The following SLC30A3 variants were observed in gnomAD, a reference collection of about 807,000 sequenced individuals.
The protein encoded by SLC30A3 is probable proton-coupled zinc antiporter SLC30A3.
SLC30A3 carries 20 observed loss-of-function variants against 35.6 expected under a neutral mutation model. The ratio of observed to expected loss-of-function variants is 0.56; its 90% CI spans 0.39 to 0.82. The LOEUF is 0.82. SLC30A3 is among the 40% of genes least tolerant of loss of function. The pLI is 0.00. For synonymous variants in SLC30A3, 217 were observed against 224.7 expected, an observed-to-expected ratio of 0.97 and a Z score of 0.31; for missense variants, 401 against 530.6, an observed-to-expected ratio of 0.76 and a Z score of 2.40.
chr2:27,264,334 C>G (rs190820868), upstream of SLC30A3, among the ~76,000 whole-genome samples: 1 of 152,260 alleles, frequency 6.6e-6, no homozygotes, highest in Non-Finnish European at 1.5e-5. This position sits in a 1 kb window ranked among gnomAD's most constrained non-coding sequence, Gnocchi z 6.1. Context: ...CAAGAGTGCA[C>G]TTGCAAAAAA....
At position 27,255,298 on chromosome 2, in the gene SLC30A3, G is replaced by A. The variant is rs779701176; in HGVS notation, c.*14C>T. 5.0e-6 allele frequency: 8 copies of A among 1,613,580 alleles called. No homozygotes were observed. In the African/African-American group the frequency reaches 9.3e-5, roughly 19 times the overall value. On this transcript the variant is annotated 3_prime_UTR_variant, in exon 8 of 8. Transcript: ENST00000233535. This position sits in a 1 kb window ranked among gnomAD's most constrained non-coding sequence, Gnocchi z 5.2. ...AGCCTCGGCCTGGCAGTGGGGTGAG[G>A]GCAGGGCCATGGCTCAGGCTTGGGG...
At chr2:27,265,781 C>T (rs1203623603), upstream of SLC30A3, among the ~76,000 whole-genome samples, 1 of 152,146 alleles carries the variant, frequency 6.6e-6, no homozygotes, top group Non-Finnish European at 1.5e-5. This position sits in a 1 kb window ranked among gnomAD's most constrained non-coding sequence, Gnocchi z 5.9. Context: ...CTCCCTGCTA[C>T]AGGGCAAGCT....
rs1259144534 is a variant in SLC30A3, at chr2:27,254,830, C to G, written c.*482G>C. On this transcript the variant is annotated 3_prime_UTR_variant, in exon 8 of 8. Transcript: ENST00000233535. ...AAACCACAGGGCTAAGACACACGGA[C>G]AAAGTGCGGGCTTTGGGGCCCCTGC... 3.4e-6 allele frequency: 1 copy of G among 295,360 alleles called. No individual in the cohort carries two copies. Among genetic ancestry groups the G allele is most frequent in the Non-Finnish European group, 6.6e-6 (1 of 152,032 alleles). The allele number at this position is 295,360 out of a possible 1,614,324, so 18.3% of individuals were successfully genotyped here.
chr2:27,259,270 A>G (rs1480674105), intron 1 of SLC30A3, among the ~76,000 whole-genome samples: 1 of 152,120 alleles, frequency 6.6e-6, no homozygotes, highest in Non-Finnish European at 1.5e-5. Flanking sequence ...CAAGGCAGGC[A>G]GATCACAAGG....
At position 27,262,909 on chromosome 2, in the gene SLC30A3, T is replaced by TCCCG; in HGVS notation, c.-7_-4dup. 1 of 1,555,946 alleles carries TCCCG rather than the reference T, an allele frequency of 6.4e-7. No individual in the cohort carries two copies. The highest frequency in any genetic ancestry group is 8.6e-7 in the Non-Finnish European group (1 of 1,158,314). The stretch of plus-strand genomic sequence containing the variant: ...CCAGCGGCTGGAGAGGGCTCCATGT[T>TCCCG]CCCGGTGCCCCGACCGTCTAGGCCC... On this transcript the variant is annotated 5_prime_UTR_variant, in exon 1 of 8. Coordinates refer to ENST00000233535, the MANE Select transcript of SLC30A3 (RefSeq NM_003459.5). The surrounding 1 kb of genome is among the most constrained non-coding windows in gnomAD (Gnocchi z 7.5).
Position 27,262,745 on chromosome 2 carries a change from C to T in SLC30A3, c.95+67G>A. 6 of 1,409,278 alleles carry T rather than the reference C, an allele frequency of 4.3e-6. No individual in the cohort carries two copies. The highest frequency in any genetic ancestry group is 5.6e-6 in the Non-Finnish European group (6 of 1,075,420). The allele number at this position is 1,409,278 out of a possible 1,614,324, so 87.3% of individuals were successfully genotyped here. On this transcript the variant is annotated intron_variant, in intron 1 of 7. Coordinates refer to ENST00000233535, the MANE Select transcript of SLC30A3 (RefSeq NM_003459.5). The surrounding 1 kb of genome is among the most constrained non-coding windows in gnomAD (Gnocchi z 7.5). ...CCGCCGGGGCCCGCGCCGAGAGAGA[C>T]AACGAAATGGACGGAGGGTAGTAGG...
Position 27,257,112 on chromosome 2 carries a change from G to A in SLC30A3, c.777+42C>T. ...CTGGGAAGGAGTGGGCTGGGATGTGGTTGTGGGGAGGAAGGCTGGGGCAGG... is the reference window on the plus strand; with the variant it reads ...CTGGGAAGGAGTGGGCTGGGATGTGATTGTGGGGAGGAAGGCTGGGGCAGG... On this transcript the variant is annotated intron_variant, in intron 5 of 7. Coordinates refer to ENST00000233535, the MANE Select transcript of SLC30A3 (RefSeq NM_003459.5). The surrounding 1 kb of genome is among the most constrained non-coding windows in gnomAD (Gnocchi z 4.7). The A allele has an allele frequency of 1.3e-6, 2 of 1,588,276 alleles. No homozygotes were observed. Among genetic ancestry groups the A allele is most frequent in the Non-Finnish European group, 1.7e-6 (2 of 1,156,808 alleles).
Position 27,254,969 on chromosome 2 carries a change from A to C in SLC30A3, c.*343T>G. 1 of 893,060 alleles carries C rather than the reference A, an allele frequency of 1.1e-6. No homozygotes were observed. Among genetic ancestry groups the C allele is most frequent in the South Asian group, 1.8e-5 (1 of 57,112 alleles). 55.3% of individuals were successfully genotyped at this position (893,060 alleles called of 1,614,324 possible). ...CCCCCAGCCAGCCAGCCTGCCACACAGACAAATGGACTGCAGGGAAAGGAT... is the reference window on the plus strand; with the variant it reads ...CCCCCAGCCAGCCAGCCTGCCACACCGACAAATGGACTGCAGGGAAAGGAT... On this transcript the variant is annotated 3_prime_UTR_variant, in exon 8 of 8. Transcript: ENST00000233535.
intron 1 of SLC30A3, among the ~76,000 whole-genome samples, chr2:27,270,368 C>T (rs1052591064): frequency 1.3e-5 from 2 of 151,996 alleles, no homozygotes; most frequent in East Asian, 3.9e-4. Flanking sequence ...GGCAGCATGA[C>T]GGCACTGGGT....
intron 1 of SLC30A3, among the ~76,000 whole-genome samples, chr2:27,260,194 A>G (rs1477405679): frequency 6.6e-6 from 1 of 152,122 alleles, no homozygotes; most frequent in African/African-American, 2.4e-5. Context: ...TGGCCCTTTA[A>G]GAGACGAGCG....
rs768224581 is a variant in SLC30A3 at position 27,257,907 on chromosome 2, C to A, written c.576G>T (p.Leu192=). Residue 192 remains leucine, a splice_region_variant and synonymous_variant, in exon 4 of 8, where the codon CTG becomes CTT. Transcript: ENST00000233535. This position sits in a 1 kb window ranked among gnomAD's most constrained non-coding sequence, Gnocchi z 4.7. ...GCCTGCTCCATACTGGGACGTACAA[C>A]AGGTTGGCACAGACTGCGATGCTGG... ...LTASIAVCAN[L]LMAFVLHQAG... 1.2e-6 allele frequency: 2 copies of A among 1,613,492 alleles called. No individual in the cohort carries two copies. The highest frequency in any genetic ancestry group is 4.5e-5 in the East Asian group (2 of 44,882).
At chr2:27,256,080 G>A (rs1004697528) in intron 7 of SLC30A3, 4 of 394,876 alleles carry the variant, frequency 1.0e-5, no homozygotes, top group Non-Finnish European at 1.9e-5. Flanking sequence ...ACCTAACTGT[G>A]CCCCATCACT....
chr2:27,273,452 T>C (rs908156845), intron 1 of SLC30A3, among the ~76,000 whole-genome samples: 7 of 152,206 alleles, frequency 4.6e-5, no homozygotes, highest in Admixed American at 3.9e-4. Flanking sequence ...CTGCTCTCTC[T>C]ACCCAGTGCT....
Position 27,262,712 on chromosome 2 carries a change from TG to T in SLC30A3, c.95+99del. 1.7e-6 allele frequency: 2 copies of T among 1,194,712 alleles called. No individual in the cohort carries two copies. Among genetic ancestry groups the T allele is most frequent in the Non-Finnish European group, 2.2e-6 (2 of 893,860 alleles). 74.0% of individuals were successfully genotyped at this position (1,194,712 alleles called of 1,614,324 possible). On this transcript the variant is annotated intron_variant, in intron 1 of 7. Transcript: ENST00000233535. The surrounding 1 kb of genome is among the most constrained non-coding windows in gnomAD (Gnocchi z 7.5). Reference sequence around the variant, plus strand: ...GCGGAGCGAGGGACCCGCGGTGCGCTGGGGCGGCCGCCGGGGCCCGCGCCGA... The same window carrying T: ...GCGGAGCGAGGGACCCGCGGTGCGCTGGGCGGCCGCCGGGGCCCGCGCCGA...
At chr2:27,272,640 C>T (rs1040506636) in intron 1 of SLC30A3, among the ~76,000 whole-genome samples, 1 of 151,782 alleles carries the variant, frequency 6.6e-6, no homozygotes, top group Admixed American at 6.6e-5. Context: ...GTTGGCCAGA[C>T]TGGTCTTGAA....
chr2:27,265,873 T>A (rs1463403923), upstream of SLC30A3, among the ~76,000 whole-genome samples: 1 of 151,876 alleles, frequency 6.6e-6, no homozygotes, highest in Non-Finnish European at 1.5e-5. The surrounding 1 kb of genome is among the most constrained non-coding windows in gnomAD (Gnocchi z 5.9). Context: ...AATTAAGCCA[T>A]CCCAGAAAGG....
chr2:27,273,891 G>A (rs1399880777), intron 1 of SLC30A3, among the ~76,000 whole-genome samples: 1 of 152,140 alleles, frequency 6.6e-6, no homozygotes, highest in Non-Finnish European at 1.5e-5. Flanking sequence ...GAAAGCTTGG[G>A]GGTTAAAGAA....
In SLC30A3 at chr2:27,256,369, G is replaced by C; in HGVS notation, c.1018+17C>G. 6.2e-7 allele frequency: 1 copy of C among 1,613,628 alleles called. No individual in the cohort carries two copies. Among genetic ancestry groups the C allele is most frequent in the Non-Finnish European group, 8.5e-7 (1 of 1,179,582 alleles). On this transcript the variant is annotated intron_variant, in intron 7 of 7. Transcript: ENST00000233535. The stretch of plus-strand genomic sequence containing the variant: ...GTATGTTCCAGGTAGTAACTAGCTG[G>C]GGCCAGTGTGACTCACCGATGGCCA...
upstream of SLC30A3, chr2:27,263,119 A>C (rs1677313721): frequency 7.4e-7 from 1 of 1,346,242 alleles, no homozygotes; most frequent in African/African-American, 1.5e-5. Context: ...GAGCTCCCCA[A>C]GCTCCGCCTC....
Sources: gnomAD v4.1 joint callset for allele counts (sites outside exome capture counted in the v4.1 genomes callset) on GRCh38, gnomAD v4.1.1 for gene constraint, Gnocchi (gnomAD v3.1) non-coding constraint, MANE v1.5 for transcripts, NCBI Gene and HGNC (gene_info 2026-07-23, HGNC 2026-07-21) for gene names.